TRHDE: variants seen among roughly 807,000 people sequenced by gnomAD.
The protein encoded by TRHDE is thyrotropin-releasing hormone-degrading ectoenzyme.
TRHDE carries 72 observed loss-of-function variants against 125.7 expected under a neutral mutation model. That is an observed-to-expected ratio of 0.57 (90% CI 0.47 to 0.70). TRHDE has a LOEUF of 0.70. Among genes scored for constraint, TRHDE ranks in the 30% least tolerant of loss-of-function variants. TRHDE has a pLI of 0.00. For missense variants in TRHDE, 1,110 were observed against 1,327.1 expected, an observed-to-expected ratio of 0.84 and a Z score of 2.54; for synonymous variants, 509 against 509.1, an observed-to-expected ratio of 1.00 and a Z score of 0.00.
At chr12:72,572,019 G>A (rs1178578878) in intron 10 of TRHDE, among the ~76,000 whole-genome samples, 7 of 46,752 alleles carry the variant, frequency 1.5e-4, no homozygotes, top group Admixed American at 4.4e-4. Context: ...ACACACACAC[G>A]ATTTATTGCT....
chr12:72,116,155 C>T (rs1320400961), intron 2 of TRHDE, among the ~76,000 whole-genome samples: 1 of 152,138 alleles, frequency 6.6e-6, no homozygotes, highest in Non-Finnish European at 1.5e-5. Context: ...ATGATGGTTT[C>T]CAGCTTCATC....
chr12:72,277,709 T>C (rs1415282737), intron 1 of TRHDE, among the ~76,000 whole-genome samples: 1 of 152,152 alleles, frequency 6.6e-6, no homozygotes, highest in Non-Finnish European at 1.5e-5. Flanking sequence ...GACCATGTAA[T>C]AATGACTCAC....
intron 2 of TRHDE, among the ~76,000 whole-genome samples, chr12:72,355,621 C>T (rs1870780397): frequency 6.6e-6 from 1 of 151,840 alleles, no homozygotes; most frequent in Non-Finnish European, 1.5e-5. Context: ...AACAGACAAC[C>T]TACAGAATGG....
chr12:72,406,153 A>G (rs1873256721), intron 3 of TRHDE, among the ~76,000 whole-genome samples: 2 of 152,214 alleles, frequency 1.3e-5, no homozygotes, highest in African/African-American at 4.8e-5. Flanking sequence ...TACTGTGTTT[A>G]CAAAGCTCAT....
intron 7 of TRHDE, among the ~76,000 whole-genome samples, chr12:72,543,568 C>A (rs1168421515): frequency 4.6e-5 from 7 of 151,256 alleles, no homozygotes; most frequent in African/African-American, 1.7e-4. Context: ...CCTTCTTTAT[C>A]CCCATTCCTT....
chr12:72,484,436 G>A (rs1877312798), intron 5 of TRHDE, among the ~76,000 whole-genome samples: 1 of 152,138 alleles, frequency 6.6e-6, no homozygotes, highest in South Asian at 2.1e-4. Flanking sequence ...GAATGTTCAT[G>A]TTAACTAGCA....
intron 6 of TRHDE, among the ~76,000 whole-genome samples, chr12:72,525,226 G>C (rs1172005716): frequency 6.6e-6 from 1 of 151,892 alleles, no homozygotes; most frequent in Non-Finnish European, 1.5e-5. Context: ...ACATATTCGT[G>C]GTTAGGAAAA....
At chr12:72,437,396 C>T (rs769960822) in intron 3 of TRHDE, among the ~76,000 whole-genome samples, 15 of 151,704 alleles carry the variant, frequency 9.9e-5, no homozygotes, top group Non-Finnish European at 1.0e-4. Flanking sequence ...TTTGTCCATG[C>T]GATATTTTAG....
intron 3 of TRHDE, among the ~76,000 whole-genome samples, chr12:72,381,532 A>G (rs1327887978): frequency 6.7e-6 from 1 of 150,240 alleles, no homozygotes; most frequent in Non-Finnish European, 1.5e-5. Context: ...AGTAGCTGGG[A>G]CTACAGGCGC....
At chr12:72,549,475 T>C (rs1592529120) in intron 7 of TRHDE, among the ~76,000 whole-genome samples, 1 of 151,872 alleles carries the variant, frequency 6.6e-6, no homozygotes, top group Non-Finnish European at 1.5e-5. Context: ...CTAAAATGAA[T>C]GACCATAGAA....
rs1483491197 is a variant in TRHDE, at chr12:72,465,320, A to G, written c.1316-4438A>G. ...TGTATACACACAGGAAATTATCACC[A>G]TAATGAACATATTCATCACTCCCAA... On this transcript the variant is annotated intron_variant, in intron 3 of 18. Coordinates refer to ENST00000261180, the MANE Select transcript of TRHDE (RefSeq NM_013381.3). Among the ~76,000 whole-genome samples, 12 of 152,124 alleles carry G rather than the reference A, an allele frequency of 7.9e-5. No individual in the cohort carries two copies. In the East Asian group the frequency reaches 1.7e-3, roughly 22 times the overall value.
At chr12:72,599,248 A>G (rs1872107685) in intron 12 of TRHDE, among the ~76,000 whole-genome samples, 2 of 152,120 alleles carry the variant, frequency 1.3e-5, no homozygotes. Context: ...ATACCTAGTA[A>G]TGAGATTGCT....
chr12:72,612,715 A>G (rs1357009514), intron 12 of TRHDE, among the ~76,000 whole-genome samples: 1 of 152,226 alleles, frequency 6.6e-6, no homozygotes, highest in African/African-American at 2.4e-5. Context: ...TAAGTCCTCA[A>G]TACATGATAG....
At chr12:72,471,222 T>A (rs1023591675) in intron 4 of TRHDE, among the ~76,000 whole-genome samples, 5 of 152,106 alleles carry the variant, frequency 3.3e-5, no homozygotes, top group Non-Finnish European at 5.9e-5. Context: ...ATGTTTGATG[T>A]TTTTATCTGC....
At chr12:72,645,119 C>G (rs894536803) in intron 15 of TRHDE, among the ~76,000 whole-genome samples, 2 of 152,128 alleles carry the variant, frequency 1.3e-5, no homozygotes, top group Non-Finnish European at 2.9e-5. Flanking sequence ...ATGTCCCAAA[C>G]AAAGGAACAA....
At chr12:72,308,944 T>C (rs4394875) in intron 2 of TRHDE, among the ~76,000 whole-genome samples, 18,624 of 152,054 alleles carry the variant, frequency 0.12, 3,530 homozygotes, top group African/African-American at 0.41. Flanking sequence ...CAAGTTCATT[T>C]CTTTGTTCTT....
chr12:72,090,849 T>A lies in TRHDE; in HGVS notation n.174+3410T>A, dbSNP rs557435064. Among the ~76,000 whole-genome samples the A allele has an allele frequency of 3.3e-5, 5 of 152,132 alleles. No individual in the cohort carries two copies. In the South Asian group the frequency reaches 1.0e-3, roughly 32 times the overall value. On this transcript the variant is annotated intron_variant and non_coding_transcript_variant, in intron 1 of 4. Transcript: ENST00000548156. ...TTAGTTATTTCAAAGATTGGATTTATTTCCCTTGGATTTTTTTTTTTTTAA... is the reference window on the plus strand; with the variant it reads ...TTAGTTATTTCAAAGATTGGATTTAATTCCCTTGGATTTTTTTTTTTTTAA...
intron 2 of TRHDE, among the ~76,000 whole-genome samples, chr12:72,305,457 G>T (rs1458184722): frequency 1.3e-5 from 2 of 152,096 alleles, no homozygotes; most frequent in Non-Finnish European, 2.9e-5. Context: ...AATTGCCTTC[G>T]GGGCAAGTCA....
At chr12:72,500,018 G>A (rs1289182641) in intron 6 of TRHDE, among the ~76,000 whole-genome samples, 10 of 152,068 alleles carry the variant, frequency 6.6e-5, no homozygotes, top group Admixed American at 6.6e-4. Context: ...ATTTTGATGG[G>A]CTGATGCAAA....
Sources: gnomAD v4.1 joint callset for allele counts (sites outside exome capture counted in the v4.1 genomes callset) on GRCh38, gnomAD v4.1.1 for gene constraint, MANE v1.5 for transcripts, NCBI Gene and HGNC (gene_info 2026-07-23, HGNC 2026-07-21) for gene names.